Variants in NFIB observed in about 807,000 individuals in gnomAD.
NFIB encodes nuclear factor 1 B-type.
Under a neutral mutation model 61.5 loss-of-function variants are expected in NFIB, and 11 were observed. That is an observed-to-expected ratio of 0.18 (90% CI 0.11 to 0.30). NFIB has a LOEUF of 0.30. Among genes scored for constraint, NFIB ranks in the 10% least tolerant of loss-of-function variants. NFIB has a pLI of 1.00. For missense variants in NFIB, 471 were observed against 608.9 expected (o/e 0.77, Z 2.38); for synonymous variants, 260 against 216.5 (o/e 1.20, Z -1.76).
intron 2 of NFIB, among the ~76,000 whole-genome samples, chr9:14,283,372 T>C (rs1208584086): frequency 6.6e-6 from 1 of 152,184 alleles, no homozygotes; most frequent in East Asian, 1.9e-4. Context: ...ATCAAAACTG[T>C]GGTAAAATGC....
chr9:14,346,232 G>A (rs1434120705), intron 1 of NFIB, among the ~76,000 whole-genome samples: 1 of 148,972 alleles, frequency 6.7e-6, no homozygotes, highest in Non-Finnish European at 1.5e-5. Context: ...GAGAGGATTT[G>A]TAGCCATCTT....
At chr9:14,105,747 C>G (rs1293706820) in intron 10 of NFIB, among the ~76,000 whole-genome samples, 1 of 152,132 alleles carries the variant, frequency 6.6e-6, no homozygotes, top group African/African-American at 2.4e-5. Context: ...AAATTGTGAA[C>G]AGACTCTATA....
At chr9:14,316,175 A>G (rs1272736738), upstream of NFIB, among the ~76,000 whole-genome samples, 1 of 152,252 alleles carries the variant, frequency 6.6e-6, no homozygotes, top group Non-Finnish European at 1.5e-5. Flanking sequence ...CAAGAAAAGT[A>G]GGCAGGTTCA....
At chr9:14,352,202 T>C (rs2061120897) in intron 1 of NFIB, among the ~76,000 whole-genome samples, 1 of 152,264 alleles carries the variant, frequency 6.6e-6, no homozygotes, top group African/African-American at 2.4e-5. Context: ...GAAAACAGCA[T>C]AAAATGAAAG....
the NFIB span, among the ~76,000 whole-genome samples, chr9:14,488,362 C>CA: frequency 2.3e-3 from 297 of 128,314 alleles, 1 homozygote; most frequent in East Asian, 7.1e-3. Context: ...GACCTTGTCT[C>CA]AAAAAAAAAA....
intron 6 of NFIB, among the ~76,000 whole-genome samples, chr9:14,133,536 C>T (rs2040649953): frequency 6.6e-6 from 1 of 152,136 alleles, no homozygotes; most frequent in African/African-American, 2.4e-5. Flanking sequence ...CTTCAGGCCA[C>T]AAATCCAGAG....
chr9:14,344,361 G>A (rs955023086), intron 1 of NFIB, among the ~76,000 whole-genome samples: 3 of 151,930 alleles, frequency 2.0e-5, no homozygotes, highest in African/African-American at 4.8e-5. Flanking sequence ...AGGAGCAGCC[G>A]GGCCAGGCAG....
intron 2 of NFIB, among the ~76,000 whole-genome samples, chr9:14,194,484 C>T (rs1342133485): frequency 6.6e-6 from 1 of 151,994 alleles, no homozygotes; most frequent in Non-Finnish European, 1.5e-5. Context: ...GAAAACGAAT[C>T]CAACTTTTAA....
At chr9:14,343,276 C>T (rs2060974277) in intron 1 of NFIB, among the ~76,000 whole-genome samples, 1 of 152,192 alleles carries the variant, frequency 6.6e-6, no homozygotes, top group South Asian at 2.1e-4. Flanking sequence ...TTGAAGACCT[C>T]TACCCCGGTG....
intron 1 of NFIB, among the ~76,000 whole-genome samples, chr9:14,321,417 G>C (rs1564007287): frequency 6.6e-6 from 1 of 152,118 alleles, no homozygotes; most frequent in Admixed American, 6.5e-5. Context: ...CTAAACTTTA[G>C]AATGAATACT....
At chr9:14,268,401 C>T (rs1470257063) in intron 2 of NFIB, among the ~76,000 whole-genome samples, 2 of 152,114 alleles carry the variant, frequency 1.3e-5, no homozygotes, top group Non-Finnish European at 2.9e-5. Flanking sequence ...TTACAACTCT[C>T]CTCCACTTCG....
Position 14,084,629 on chromosome 9 carries a change from C to A in NFIB, c.*3680G>T. On this transcript the variant is annotated 3_prime_UTR_variant, in exon 11 of 11. Transcript: ENST00000380953. Reference sequence around the variant, plus strand: ...AGCACACAAAGGCTGAACAGTGCCACGGAACTGATGGTTGGAGACACCACT... The same window carrying A: ...AGCACACAAAGGCTGAACAGTGCCAAGGAACTGATGGTTGGAGACACCACT... 1 of 229,130 alleles carries A rather than the reference C, an allele frequency of 4.4e-6. No individual in the cohort carries two copies. The allele number at this position is 229,130 out of a possible 1,614,324, so 14.2% of individuals were successfully genotyped here.
At chr9:14,139,673 A>T (rs1323053034) in intron 6 of NFIB, among the ~76,000 whole-genome samples, 1 of 152,202 alleles carries the variant, frequency 6.6e-6, no homozygotes, top group Non-Finnish European at 1.5e-5. Flanking sequence ...CCCTTCTAAC[A>T]TGTATACAAG....
At chr9:14,511,679 G>A in the NFIB span, among the ~76,000 whole-genome samples, 6 of 152,218 alleles carry the variant, frequency 3.9e-5, no homozygotes, top group East Asian at 9.6e-4. Flanking sequence ...ATGACACACT[G>A]CTTTTCAAAT....
Position 14,121,902 on chromosome 9 carries a change from T to C in NFIB, c.1061-1278A>G, listed in dbSNP as rs537766979. On this transcript the variant is annotated intron_variant, in intron 7 of 10. Transcript: ENST00000380953. Reference sequence around the variant, plus strand: ...AAATATAAATCTTAAGTTTGAAAGATGGAGAAAGAGTGTAATCGTATGATC... The same window carrying C: ...AAATATAAATCTTAAGTTTGAAAGACGGAGAAAGAGTGTAATCGTATGATC... Among the ~76,000 whole-genome samples the C allele has an allele frequency of 1.1e-4, 16 of 152,208 alleles. No homozygotes were observed. The East Asian group carries it at 2.9e-3, about 28-fold the overall frequency.
chr9:14,481,197 G>GTATGTATATATATATATATATA, the NFIB span, among the ~76,000 whole-genome samples: 4 of 45,840 alleles, frequency 8.7e-5, no homozygotes, highest in Admixed American at 3.0e-4. Flanking sequence ...GTGTGTGTGT[G>GTATGTATATATATATATATATA]TATATATATA....
intron 2 of NFIB, among the ~76,000 whole-genome samples, chr9:14,304,028 G>A (rs1588235026): frequency 6.6e-6 from 1 of 152,178 alleles, no homozygotes; most frequent in African/African-American, 2.4e-5. Flanking sequence ...CATAGTAGCC[G>A]AATAACAAAG....
At chr9:14,370,726 G>T (rs1261787602) in intron 1 of NFIB, among the ~76,000 whole-genome samples, 2 of 152,222 alleles carry the variant, frequency 1.3e-5, no homozygotes, top group Admixed American at 6.5e-5. Context: ...TTCTTACCCT[G>T]TTATGGGTCA....
rs112312730 is a variant in NFIB at position 14,286,191 on chromosome 9, G to A, written c.562+20798C>T. Among the ~76,000 whole-genome samples the A allele has an allele frequency of 4.9e-3, 742 of 152,292 alleles. 3 individuals are homozygous for A. Among genetic ancestry groups the A allele is most frequent in the Non-Finnish European group, 8.4e-3 (573 of 68,024 alleles). ...ATTATTCTTTAATTTGTTCCATTAA[G>A]TGCAATCATCTTCAGGAAGCCTAAC... On this transcript the variant is annotated intron_variant, in intron 2 of 10. Transcript: ENST00000380953.
Sources: gnomAD v4.1 joint callset for allele counts (sites outside exome capture counted in the v4.1 genomes callset) on GRCh38, gnomAD v4.1.1 for gene constraint, MANE v1.5 for transcripts, NCBI Gene and HGNC (gene_info 2026-07-23, HGNC 2026-07-21) for gene names.